ST7: variants seen among roughly 807,000 people sequenced by gnomAD.
ST7 encodes the protein suppressor of tumorigenicity 7 protein.
ST7 carries 28 observed loss-of-function variants against 78.7 expected under a neutral mutation model. The observed-to-expected ratio is 0.36, with a 90% CI of 0.26 to 0.49. The LOEUF (loss-of-function observed/expected upper bound fraction) is 0.49. ST7 is among the 20% of genes least tolerant of loss of function. The probability of loss-of-function intolerance (pLI) is 0.99; values close to 1 mark genes in which losing one functional copy is unlikely to be tolerated. For missense variants in ST7, 418 were observed against 696.0 expected, an observed-to-expected ratio of 0.60 and a Z score of 4.49; for synonymous variants, 247 against 249.6, an observed-to-expected ratio of 0.99 and a Z score of 0.10.
chr7:117,119,440 C>G, intron 2 of ST7, 121 bp from the exon 3 acceptor site: 1 of 959,656 alleles, frequency 1.0e-6, no homozygotes, highest in Non-Finnish European at 1.5e-6. Context: ...TTAGAATAAA[C>G]AGTTTTTGAA....
intron 1 of ST7, among the ~76,000 whole-genome samples, chr7:116,969,142 C>T (rs1221793521): frequency 6.6e-6 from 1 of 152,192 alleles, no homozygotes. Context: ...GTTTTTCAGA[C>T]TTTCCTTGTT....
chr7:117,133,066 T>C (rs1453728946), intron 6 of ST7, among the ~76,000 whole-genome samples: 1 of 151,962 alleles, frequency 6.6e-6, no homozygotes, highest in Non-Finnish European at 1.5e-5. Flanking sequence ...TAGCACAATC[T>C]GATTTATTTA....
intron 1 of ST7, among the ~76,000 whole-genome samples, chr7:116,989,941 T>G (rs1794353920): frequency 6.6e-6 from 1 of 152,088 alleles, no homozygotes; most frequent in Non-Finnish European, 1.5e-5. Context: ...TTAACCATGT[T>G]TTTGTTTGTT....
At chr7:117,071,186 T>C (rs1323427050) in intron 1 of ST7, among the ~76,000 whole-genome samples, 1 of 151,990 alleles carries the variant, frequency 6.6e-6, no homozygotes, top group Non-Finnish European at 1.5e-5. Context: ...GCCACTGGAC[T>C]CCATCCAGCC....
intron 13 of ST7, among the ~76,000 whole-genome samples, chr7:117,214,910 TTGTG>T (rs147915016): frequency 0.061 from 8,703 of 143,078 alleles, 303 homozygotes; most frequent in South Asian, 0.16. Context: ...GGAAGAACAT[TTGTG>T]TGTGTGTGTG....
intron 15 of ST7, among the ~76,000 whole-genome samples, chr7:117,226,327 C>T (rs555742010): frequency 6.6e-6 from 1 of 152,162 alleles, no homozygotes; most frequent in Non-Finnish European, 1.5e-5. Context: ...CCACGAGACA[C>T]TCATTGAATC....
intron 1 of ST7, chr7:116,958,653 A>T (rs1430537441): frequency 2.1e-6 from 1 of 471,232 alleles, no homozygotes; most frequent in Non-Finnish European, 4.4e-6. Context: ...CCTTGGAGAT[A>T]TTGCAAGTTT....
chr7:117,041,367 C>A (rs1267710009), intron 1 of ST7, among the ~76,000 whole-genome samples: 1 of 152,052 alleles, frequency 6.6e-6, no homozygotes, highest in Non-Finnish European at 1.5e-5. Flanking sequence ...GCCAAAAAAC[C>A]ATGTTACAGT....
intron 1 of ST7, among the ~76,000 whole-genome samples, chr7:117,059,313 A>G (rs890277645): frequency 6.6e-6 from 1 of 152,226 alleles, no homozygotes; most frequent in Non-Finnish European, 1.5e-5. Context: ...TTATAAATAC[A>G]TATCTACTAT....
At chr7:117,084,967 C>G (rs1223170111) in intron 1 of ST7, among the ~76,000 whole-genome samples, 3 of 152,132 alleles carry the variant, frequency 2.0e-5, no homozygotes, top group Non-Finnish European at 4.4e-5. Context: ...GTTTTTAGAA[C>G]AGTAGATACC....
chr7:117,218,149 A>G (rs1020077471), intron 13 of ST7, among the ~76,000 whole-genome samples: 1 of 152,222 alleles, frequency 6.6e-6, no homozygotes, highest in African/African-American at 2.4e-5. Context: ...AAAACTAAAA[A>G]TATTGCTGCA....
chr7:117,168,266 G>A (rs1331851575), intron 9 of ST7, among the ~76,000 whole-genome samples: 2 of 152,152 alleles, frequency 1.3e-5, no homozygotes, highest in Non-Finnish European at 2.9e-5. Flanking sequence ...GAGACCTCAT[G>A]TTTGCGTATG....
chr7:117,069,685 A>T lies in ST7; in HGVS notation c.152-30077A>T, dbSNP rs567975924. 2.6e-4 allele frequency among the ~76,000 whole-genome samples: 39 copies of T among 152,334 alleles called. No individual in the cohort carries two copies. In the East Asian group the frequency reaches 2.7e-3, roughly 11 times the overall value. The stretch of plus-strand genomic sequence containing the variant: ...CAAGAAACAAGTACTTAAGAGCTTT[A>T]GTAATTGATATGAACCCACCAGGTG... On this transcript the variant is annotated intron_variant, in intron 1 of 15. Coordinates refer to ENST00000323984, the MANE Select transcript of ST7 (RefSeq NM_001369598.1).
intron 1 of ST7, chr7:116,972,832 C>T (rs1793500981): frequency 2.8e-6 from 3 of 1,079,204 alleles, no homozygotes; most frequent in South Asian, 2.5e-5. Flanking sequence ...ACGATCAGCT[C>T]GCTCCTCTGC....
chr7:117,197,702 T>A (rs1810448451), intron 12 of ST7, among the ~76,000 whole-genome samples: 1 of 152,230 alleles, frequency 6.6e-6, no homozygotes, highest in Non-Finnish European at 1.5e-5. Flanking sequence ...GGTAGAACAT[T>A]GTTAGCCATT....
At chr7:117,168,591 C>A (rs1158297526) in intron 9 of ST7, among the ~76,000 whole-genome samples, 1 of 152,154 alleles carries the variant, frequency 6.6e-6, no homozygotes, top group Non-Finnish European at 1.5e-5. Context: ...AGAACATCAG[C>A]AATGTGTGGT....
intron 1 of ST7, among the ~76,000 whole-genome samples, chr7:117,086,289 T>C (rs888334944): frequency 6.6e-6 from 1 of 152,174 alleles, no homozygotes; most frequent in African/African-American, 2.4e-5. Context: ...AGAGGTACCT[T>C]CTGAGTTCAT....
rs150311594 is a variant in ST7, at chr7:117,185,785, T to C, written c.1079-3536T>C. Among the ~76,000 whole-genome samples the C allele has an allele frequency of 6.6e-3, 1,011 of 152,200 alleles. 3 individuals carry two copies. Among genetic ancestry groups the C allele is most frequent in the Non-Finnish European group, 0.01 (707 of 67,994 alleles). The stretch of plus-strand genomic sequence containing the variant: ...TAAAAATACAAAAATTAGCTGGGCA[T>C]GGTGGCGCATGCCTGTAATCCCAGC... On this transcript the variant is annotated intron_variant, in intron 10 of 15. Coordinates refer to ENST00000323984, the MANE Select transcript of ST7 (RefSeq NM_001369598.1).
At chr7:117,132,043 A>C (rs1056411864) in intron 6 of ST7, 83 bp downstream of exon 6, 1 of 1,310,824 alleles carries the variant, frequency 7.6e-7, no homozygotes. Flanking sequence ...AGGATACTTA[A>C]ATTAAACTGC....
Sources: allele counts gnomAD v4.1 joint callset (sites outside exome capture counted in the v4.1 genomes callset), GRCh38; gene constraint gnomAD v4.1.1; transcripts MANE v1.5; gene names NCBI Gene and HGNC (gene_info 2026-07-23, HGNC 2026-07-21).